The following TSPAN16 variants were observed in gnomAD, a reference collection of about 807,000 sequenced individuals.
TSPAN16 encodes the protein tetraspanin 16.
Under a neutral mutation model 25.2 loss-of-function variants are expected in TSPAN16, and 23 were observed. The ratio of observed to expected loss-of-function variants is 0.91; its 90% CI spans 0.66 to 1.29. The LOEUF is 1.29. TSPAN16 is among the 50% of genes most tolerant of loss of function. The pLI, the probability that TSPAN16 is intolerant of heterozygous loss-of-function variation, is 0.00. For missense variants in TSPAN16, 272 were observed against 299.9 expected (o/e 0.91, Z 0.69); for synonymous variants, 123 against 124.4 (o/e 0.99, Z 0.08).
At chr19:11,319,602 CAAACAAAACA>C (rs993288029), downstream of TSPAN16, among the ~76,000 whole-genome samples, 719 of 151,214 alleles carry the variant, frequency 4.8e-3, 9 homozygotes, top group Admixed American at 0.026. Flanking sequence ...TGTCTCAAAA[CAAACAAAACA>C]AAACAAAACA....
chr19:11,305,509 A>G (rs2080616113), intron 4 of TSPAN16, among the ~76,000 whole-genome samples: 1 of 151,806 alleles, frequency 6.6e-6, no homozygotes, highest in African/African-American at 2.4e-5. Context: ...CAACCTGGGC[A>G]ACAGACAGAG....
downstream of TSPAN16, among the ~76,000 whole-genome samples, chr19:11,318,247 G>T (rs144697861): frequency 6.6e-6 from 1 of 152,034 alleles, no homozygotes; most frequent in Non-Finnish European, 1.5e-5. Context: ...GGATGGTCTC[G>T]ATCTTCTGAC....
chr19:11,305,795 G>T (rs2080619812), intron 4 of TSPAN16, among the ~76,000 whole-genome samples: 1 of 152,044 alleles, frequency 6.6e-6, no homozygotes. Context: ...GAGCCCAGAA[G>T]ATTGAGGTTG....
rs1000077410 is a variant in TSPAN16 at position 11,299,338 on chromosome 19, A to T, written c.342+392A>T. Among the ~76,000 whole-genome samples, 14 of 151,242 alleles carry T rather than the reference A, an allele frequency of 9.3e-5. No homozygotes were observed. In the East Asian group the frequency reaches 2.7e-3, roughly 30 times the overall value. On this transcript the variant is annotated intron_variant, in intron 3 of 6. Coordinates refer to ENST00000590327, the MANE Select transcript of TSPAN16 (RefSeq NM_001282509.2). ...CGCCCCTCCCCGCCAGGCACCCATG[A>T]TCGATTGTGGGGACCCAGTGATGGA... is the stretch of plus-strand genomic sequence containing the variant.
chr19:11,325,986 C>T (rs890365065), intron 6 of TSPAN16, among the ~76,000 whole-genome samples: 1 of 151,772 alleles, frequency 6.6e-6, no homozygotes, highest in Non-Finnish European at 1.5e-5. Flanking sequence ...TTTGGGAGGC[C>T]GAGGCGGGAG....
intron 1 of TSPAN16, among the ~76,000 whole-genome samples, chr19:11,297,893 G>C (rs1439948170): frequency 6.6e-6 from 1 of 152,118 alleles, no homozygotes; most frequent in Non-Finnish European, 1.5e-5. Flanking sequence ...ATGAGCTAAA[G>C]TGATCCTCCC....
chr19:11,312,638 G>A (rs1050732208), intron 6 of TSPAN16, among the ~76,000 whole-genome samples: 4 of 151,980 alleles, frequency 2.6e-5, no homozygotes, highest in Admixed American at 2.0e-4. Context: ...GGTGGCAGAT[G>A]CTTGTAGTCC....
At chr19:11,321,427 A>G (rs2080778911) in intron 6 of TSPAN16, 1 of 152,042 alleles carries the variant, frequency 6.6e-6, no homozygotes, top group Admixed American at 6.6e-5. Context: ...GGATTCAATG[A>G]CCTCCACCTG....
chr19:11,326,716 G>T (rs562649810), intron 6 of TSPAN16: 2 of 681,556 alleles, frequency 2.9e-6, no homozygotes, highest in Non-Finnish European at 5.3e-6. Context: ...CGATCCTCCC[G>T]CCTTGGCCCC....
chr19:11,305,303 G>C (rs1259665994), intron 4 of TSPAN16, among the ~76,000 whole-genome samples: 3 of 152,082 alleles, frequency 2.0e-5, no homozygotes, highest in Non-Finnish European at 4.4e-5. Context: ...GCTGAGGCAG[G>C]TGGATCACCT....
chr19:11,317,055 G>A (rs541497043), downstream of TSPAN16, among the ~76,000 whole-genome samples: 2 of 151,720 alleles, frequency 1.3e-5, no homozygotes, highest in African/African-American at 4.8e-5. Context: ...CGCCTGCCTC[G>A]GCCTCCCAAA....
intron 6 of TSPAN16, among the ~76,000 whole-genome samples, chr19:11,315,134 G>A (rs1476454009): frequency 6.6e-6 from 1 of 151,540 alleles, no homozygotes; most frequent in African/African-American, 2.4e-5. Flanking sequence ...TCCTCGGGAG[G>A]CTGAGGCAGG....
intron 4 of TSPAN16, among the ~76,000 whole-genome samples, chr19:11,304,219 C>A (rs1391546923): frequency 6.6e-6 from 1 of 151,534 alleles, no homozygotes; most frequent in Non-Finnish European, 1.5e-5. Context: ...TGAGGCCAGG[C>A]AGGGAGGGTT....
At chr19:11,296,422 G>A (rs2080479033) in intron 1 of TSPAN16, 56 bp downstream of exon 1, 2 of 1,561,676 alleles carry the variant, frequency 1.3e-6, no homozygotes, top group Admixed American at 1.7e-5. Flanking sequence ...TCCACAGTCA[G>A]CTCCCTGAAA....
At chr19:11,301,751 T>C (rs2080552512) in intron 4 of TSPAN16, among the ~76,000 whole-genome samples, 1 of 151,860 alleles carries the variant, frequency 6.6e-6, no homozygotes, top group South Asian at 2.1e-4. Flanking sequence ...CAGTGAACTA[T>C]GATGGTGCCA....
intron 6 of TSPAN16, chr19:11,323,195 G>C (rs1599353818): frequency 9.5e-6 from 1 of 105,740 alleles, no homozygotes; most frequent in African/African-American, 9.7e-5. Context: ...TGACTTTAGT[G>C]TTAAAGTAGC....
At chr19:11,317,359 A>G (rs956805760), downstream of TSPAN16, among the ~76,000 whole-genome samples, 2 of 152,122 alleles carry the variant, frequency 1.3e-5, no homozygotes, top group African/African-American at 4.8e-5. Context: ...TCTATCACCC[A>G]TGCTGGAGTG....
At position 11,301,214 on chromosome 19, in the gene TSPAN16, C is replaced by T. The variant is rs778127618; in HGVS notation, c.356C>T (p.Ala119Val). 2.5e-6 allele frequency: 4 copies of T among 1,613,842 alleles called. No homozygotes were observed. The highest frequency in any genetic ancestry group is 4.5e-5 in the East Asian group (2 of 44,858). The stretch of plus-strand genomic sequence containing the variant: ...CCTCTCTGTGAGGTTGGAGATGTGG[C>T]CTTGGAACACACCTTCGTGACCCTG... ...LLFFPIVGDV[A>V]LEHTFVTLRK... Residue 119 changes from alanine to valine, a missense_variant, in exon 4 of 7, where the codon GCC becomes GTC. Transcript: ENST00000590327.
At chr19:11,317,038 A>G (rs144587051), downstream of TSPAN16, among the ~76,000 whole-genome samples, 334 of 151,568 alleles carry the variant, frequency 2.2e-3, 1 homozygote, top group African/African-American at 7.2e-3. Context: ...CCTGCCCTCA[A>G]GTGATCCGCC....
Sources: gnomAD v4.1 joint callset for allele counts (sites outside exome capture counted in the v4.1 genomes callset) on GRCh38, gnomAD v4.1.1 for gene constraint, MANE v1.5 for transcripts, NCBI Gene and HGNC (gene_info 2026-07-23, HGNC 2026-07-21) for gene names.